SPTB: variants seen among roughly 807,000 people sequenced by gnomAD.
SPTB encodes spectrin beta chain, erythrocytic.
In SPTB, 45 loss-of-function variants were observed where a neutral mutation model predicts 256.2. The observed-to-expected ratio is 0.18, with a 90% CI of 0.14 to 0.23. The LOEUF is 0.23. Ranked by LOEUF, SPTB falls within the 10% of genes least tolerant of loss-of-function variation. The pLI is 1.00. For synonymous variants in SPTB, 1,231 were observed against 1,243.1 expected (o/e 0.99, Z 0.21); for missense variants, 2,715 against 3,040.4 (o/e 0.89, Z 2.52).
rs760428999 is a variant in SPTB at position 64,746,372 on chromosome 14, G to C, written c.*2934C>G. On this transcript the variant is annotated 3_prime_UTR_variant, in exon 36 of 36. Coordinates refer to ENST00000644917, the MANE Select transcript of SPTB (RefSeq NM_001355436.2). This position sits in a 1 kb window ranked among gnomAD's most constrained non-coding sequence, Gnocchi z 4.9. Reference sequence around the variant, plus strand: ...TTGAGCAGGTGGAGGACAGGACCCAGCTGGCCCCAGGGCCAGCCCCAGATT... The same window carrying C: ...TTGAGCAGGTGGAGGACAGGACCCACCTGGCCCCAGGGCCAGCCCCAGATT... 3 of 152,612 alleles carry C rather than the reference G, an allele frequency of 2.0e-5. No individual in the cohort carries two copies. Among genetic ancestry groups the C allele is most frequent in the Non-Finnish European group, 4.4e-5 (3 of 68,054 alleles). The allele number at this position is 152,612 out of a possible 1,614,324, so 9.5% of individuals were successfully genotyped here. A position where few individuals can be genotyped will look rare whatever the true frequency, so the allele number is the denominator to read the frequency against.
At position 64,778,839 on chromosome 14, in the gene SPTB, A is replaced by G. The variant is rs938235281; in HGVS notation, c.4563+318T>C. Among the ~76,000 whole-genome samples the G allele has an allele frequency of 4.6e-5, 7 of 152,060 alleles. No homozygotes were observed. Among genetic ancestry groups the G allele is most frequent in the Admixed American group, 6.6e-5 (1 of 15,264 alleles). On this transcript the variant is annotated intron_variant, in intron 22 of 35. Transcript: ENST00000644917. The surrounding 1 kb of genome is among the most constrained non-coding windows in gnomAD (Gnocchi z 5.2). ...GCAGACCACTGGATACACCGAATAC[A>G]CAGCTACTGAAGCACATCAACCTCC... is the stretch of plus-strand genomic sequence containing the variant.
At chr14:64,789,187 C>T (rs891358459) in intron 15 of SPTB, among the ~76,000 whole-genome samples, 6 of 150,858 alleles carry the variant, frequency 4.0e-5, no homozygotes, top group African/African-American at 1.2e-4. Context: ...CTCATCTCTA[C>T]AAAAAAAACA....
chr14:64,794,727 C>T (rs2082736010), intron 12 of SPTB, 110 bp from the exon 13 acceptor site: 1 of 1,396,830 alleles, frequency 7.2e-7, no homozygotes, highest in South Asian at 1.2e-5. Flanking sequence ...CAAGGGTGAG[C>T]CAAATGCAGC....
intron 30 of SPTB, 130 bp downstream of exon 30, chr14:64,767,533 C>T (rs1594753727): frequency 6.4e-6 from 9 of 1,404,234 alleles, no homozygotes; most frequent in Non-Finnish European, 9.0e-6. Context: ...TCTTTCCTTC[C>T]CATTGTCGCT....
At chr14:64,811,163 T>C (rs1265721343) in intron 2 of SPTB, among the ~76,000 whole-genome samples, 1 of 151,646 alleles carries the variant, frequency 6.6e-6, no homozygotes, top group Non-Finnish European at 1.5e-5. Flanking sequence ...GTCAAACAAA[T>C]GAGCAAAAAT....
At chr14:64,803,999 C>T (rs139456273) in intron 3 of SPTB, among the ~76,000 whole-genome samples, 4 of 152,254 alleles carry the variant, frequency 2.6e-5, no homozygotes, top group African/African-American at 4.8e-5. Context: ...CAGGCTGCAT[C>T]GGTGCCCTTC....
At chr14:64,836,544 T>C (rs926835294) in intron 1 of SPTB, among the ~76,000 whole-genome samples, 1 of 152,062 alleles carries the variant, frequency 6.6e-6, no homozygotes, top group African/African-American at 2.4e-5. Flanking sequence ...TTATTGTCAT[T>C]TCCCCATTGC....
chr14:64,795,816 T>C lies in SPTB; in HGVS notation c.1342-177A>G, dbSNP rs954217129. Among the ~76,000 whole-genome samples, 3 of 152,166 alleles carry C rather than the reference T, an allele frequency of 2.0e-5. No individual in the cohort carries two copies. The highest frequency in any genetic ancestry group is 7.2e-5 in the African/African-American group (3 of 41,442). On this transcript the variant is annotated intron_variant, in intron 11 of 35. Coordinates refer to ENST00000644917, the MANE Select transcript of SPTB (RefSeq NM_001355436.2). This position sits in a 1 kb window ranked among gnomAD's most constrained non-coding sequence, Gnocchi z 6.5. ...TCTTATCAGACCCAAGTTCCAAAAA[T>C]TAATGTCTCACAAGAGACTCTAAGA... is the stretch of plus-strand genomic sequence containing the variant.
At chr14:64,751,847 G>A (rs2081954106) in intron 33 of SPTB, among the ~76,000 whole-genome samples, 1 of 150,078 alleles carries the variant, frequency 6.7e-6, no homozygotes, top group Admixed American at 6.6e-5. Context: ...ACTTTGGGAG[G>A]CTGAGGCAGG....
chr14:64,854,272 C>CT (rs2083834669), intron 1 of SPTB, among the ~76,000 whole-genome samples: 1 of 87,552 alleles, frequency 1.1e-5, no homozygotes, highest in South Asian at 4.8e-4. Context: ...GTTTTCCAAA[C>CT]TCTTTTTTTT....
At chr14:64,872,358 C>G (rs1312625633) in intron 1 of SPTB, among the ~76,000 whole-genome samples, 1 of 152,208 alleles carries the variant, frequency 6.6e-6, no homozygotes, top group Non-Finnish European at 1.5e-5. Flanking sequence ...TCGTCCTGAA[C>G]CACCGCAGTA....
At position 64,827,371 on chromosome 14, in the gene SPTB, A is replaced by G. The variant is rs183370395; in HGVS notation, c.-51-4226T>C. On this transcript the variant is annotated intron_variant, in intron 1 of 35. Transcript: ENST00000644917. This position sits in a 1 kb window ranked among gnomAD's most constrained non-coding sequence, Gnocchi z 4.6. ...AGCAGGCTGTTGAAATAGCAAGGAC[A>G]CTGTCTTTCTTAAACAGTATTGCTC... Among the ~76,000 whole-genome samples the G allele has an allele frequency of 6.5e-3, 984 of 152,352 alleles. 3 individuals carry two copies. The highest frequency in any genetic ancestry group is 0.011 in the Non-Finnish European group (742 of 68,032).
chr14:64,840,130 C>A (rs544956219), intron 1 of SPTB, among the ~76,000 whole-genome samples: 2 of 152,290 alleles, frequency 1.3e-5, no homozygotes, highest in South Asian at 2.1e-4. Context: ...TTGGCAGAAC[C>A]AACGCTTGAA....
Position 64,786,593 on chromosome 14 carries a change from C to A in SPTB, c.3372G>T (p.Gly1124=). 6.2e-7 allele frequency: 1 copy of A among 1,614,186 alleles called. No homozygotes were observed. The highest frequency in any genetic ancestry group is 1.7e-4 in the Middle Eastern group (1 of 6,060). ...QDSYQRVKES[G]EKVIQGQTDP... ...CCGTCTGGCCTTGGATCACTTTCTC[C>A]CCAGACTCCTTAACACGCTGGTAGC... The change falls in exon 16 of 36, where the codon GGG becomes GGT. Residue 1124 remains glycine, a synonymous_variant. Coordinates refer to ENST00000644917, the MANE Select transcript of SPTB (RefSeq NM_001355436.2). The surrounding 1 kb of genome is among the most constrained non-coding windows in gnomAD (Gnocchi z 5.6).
intron 2 of SPTB, among the ~76,000 whole-genome samples, chr14:64,813,956 G>A (rs193108989): frequency 2.7e-4 from 41 of 152,270 alleles, no homozygotes; most frequent in Admixed American, 2.4e-3. Context: ...CAAATTCTAC[G>A]GTTTCTGTTT....
Position 64,794,497 on chromosome 14 carries a change from C to A in SPTB, c.1765G>T (p.Ala589Ser). ...CCCTCGGTGAACTTCAGGGTGGCTGCGGTGATGGCCTTCACTTTGTCCCCT... is the reference window on the plus strand; with the variant it reads ...CCCTCGGTGAACTTCAGGGTGGCTGAGGTGATGGCCTTCACTTTGTCCCCT... ...IQGDKVKAIT[A>S]ATLKFTEGKG... The change falls in exon 13 of 36, where the codon GCA becomes TCA. Residue 589 changes from alanine to serine, a missense_variant. Around this residue, in one of 4 missense-constraint regions of SPTB, gnomAD observed 2,239 missense variants for 2,384.4 expected, o/e 0.94. Coordinates refer to ENST00000644917, the MANE Select transcript of SPTB (RefSeq NM_001355436.2). 6.2e-7 allele frequency: 1 copy of A among 1,614,150 alleles called. No individual in the cohort carries two copies. The highest frequency in any genetic ancestry group is 8.5e-7 in the Non-Finnish European group (1 of 1,180,040).
Position 64,807,771 on chromosome 14 carries a change from A to C in SPTB, c.149-2681T>G, listed in dbSNP as rs2083012478. 6.6e-6 allele frequency among the ~76,000 whole-genome samples: 1 copy of C among 152,222 alleles called. No homozygotes were observed. The highest frequency in any genetic ancestry group is 1.5e-5 in the Non-Finnish European group (1 of 68,028). On this transcript the variant is annotated intron_variant, in intron 2 of 35. Transcript: ENST00000644917. The surrounding 1 kb of genome is among the most constrained non-coding windows in gnomAD (Gnocchi z 4.7). ...GAGAGGCGGTGGCCTGGAGCCAGCTAGGCTGGGAACCCTGGTAGTGTGGAC... is the reference window on the plus strand; with the variant it reads ...GAGAGGCGGTGGCCTGGAGCCAGCTCGGCTGGGAACCCTGGTAGTGTGGAC...
At position 64,749,632 on chromosome 14, in the gene SPTB, G is replaced by A; in HGVS notation, c.6819+22C>T. ...ACCTACCCCCTTCTTAGCCAGGTCT[G>A]GGCTAGGCTGCCCGCGCTTACCTCA... On this transcript the variant is annotated intron_variant, in intron 35 of 35. Transcript: ENST00000644917. This position sits in a 1 kb window ranked among gnomAD's most constrained non-coding sequence, Gnocchi z 4.7. The A allele has an allele frequency of 6.2e-7, 1 of 1,613,362 alleles. No individual in the cohort carries two copies. Among genetic ancestry groups the A allele is most frequent in the Non-Finnish European group, 8.5e-7 (1 of 1,179,918 alleles).
rs931777314 is a variant in SPTB at position 64,795,976 on chromosome 14, G to A, written c.1342-337C>T. 1.3e-5 allele frequency among the ~76,000 whole-genome samples: 2 copies of A among 152,172 alleles called. No individual in the cohort carries two copies. Among genetic ancestry groups the A allele is most frequent in the Non-Finnish European group, 2.9e-5 (2 of 68,020 alleles). ...CCTGTTGGATTTGGGGCAGGAAGGG[G>A]CTGCTTCTCACTCGGAAACCCATGC... On this transcript the variant is annotated intron_variant, in intron 11 of 35. Coordinates refer to ENST00000644917, the MANE Select transcript of SPTB (RefSeq NM_001355436.2). The surrounding 1 kb of genome is among the most constrained non-coding windows in gnomAD (Gnocchi z 6.5).
Sources: allele counts gnomAD v4.1 joint callset (sites outside exome capture counted in the v4.1 genomes callset), GRCh38; gene constraint gnomAD v4.1.1; regional missense constraint gnomAD v4.1.1; non-coding constraint Gnocchi (gnomAD v3.1); transcripts MANE v1.5; gene names NCBI Gene and HGNC (gene_info 2026-07-23, HGNC 2026-07-21).